The following SPG7 variants were observed in gnomAD, a reference collection of about 807,000 sequenced individuals.
The protein encoded by SPG7 is mitochondrial inner membrane m-AAA protease component paraplegin.
In SPG7, 103 loss-of-function variants were observed where a neutral mutation model predicts 81.9. The ratio of observed to expected loss-of-function variants is 1.26; its 90% CI spans 1.07 to 1.48. SPG7 has a LOEUF of 1.48. Ranked by LOEUF, SPG7 falls within the 40% of genes most tolerant of loss-of-function variation. SPG7 has a pLI of 0.00. For missense variants in SPG7, 1,241 were observed against 1,087.3 expected, an observed-to-expected ratio of 1.14 and a Z score of -1.99; for synonymous variants, 534 against 444.2, an observed-to-expected ratio of 1.20 and a Z score of -2.54.
At chr16:89,540,766 C>A (rs566082338) in intron 9 of SPG7, 2 of 394,708 alleles carry the variant, frequency 5.1e-6, no homozygotes, top group Non-Finnish European at 6.9e-6. Context: ...TGTCCACATG[C>A]GCTCACCACA....
At chr16:89,544,958 C>T in intron 10 of SPG7, 186 bp downstream of exon 10, 1 of 693,994 alleles carries the variant, frequency 1.4e-6, no homozygotes, top group Non-Finnish European at 2.5e-6. Context: ...ACCGGCTGCA[C>T]TCACTGCTGT....
chr16:89,547,753 C>T (rs149784975), intron 11 of SPG7: 6 of 450,254 alleles, frequency 1.3e-5, no homozygotes, highest in South Asian at 1.2e-4. Context: ...GCTGGGATTA[C>T]AGGCGCTCAC....
intron 3 of SPG7, chr16:89,518,179 T>G (rs1020062057): frequency 6.6e-6 from 1 of 152,352 alleles, no homozygotes; most frequent in Admixed American, 6.5e-5. Flanking sequence ...CCTGGTCTGA[T>G]GCTGAACTGC....
chr16:89,557,025 G>A lies in SPG7; in HGVS notation c.2320G>A (p.Gly774Ser), dbSNP rs752011818. The change falls in exon 17 of 17, where the codon GGC becomes AGC. Residue 774 changes from glycine to serine, a missense_variant. Transcript: ENST00000645818. ...IDAQREKQDL[G>S]EEETEETQQP... ...CGCCCAGAGGGAGAAACAGGACTTG[G>A]GCGAGGAGGAGACCGAAGAGACCCA... 6.2e-7 allele frequency: 1 copy of A among 1,613,380 alleles called. No homozygotes were observed. Among genetic ancestry groups the A allele is most frequent in the African/African-American group, 1.3e-5 (1 of 75,018 alleles).
intron 3 of SPG7, 41 bp downstream of exon 3, chr16:89,513,078 G>A (rs369562893): frequency 1.0e-4 from 160 of 1,564,216 alleles, no homozygotes; most frequent in Non-Finnish European, 9.5e-5. Flanking sequence ...GCTGCCTCTG[G>A]ATGTCTTTAC....
rs746537019 is a variant in SPG7 at position 89,529,471 on chromosome 16, CG to C, written c.759-4del. 6.2e-7 allele frequency: 1 copy of C among 1,605,068 alleles called. No individual in the cohort carries two copies. ...AGCCTGTGCCTGCCTCTCTTTCTTCCGGCAGTGCCCTGTACTCTGTGGGGAT... is the reference window on the plus strand; with the variant it reads ...AGCCTGTGCCTGCCTCTCTTTCTTCCGCAGTGCCCTGTACTCTGTGGGGAT... On this transcript the variant is annotated splice_polypyrimidine_tract_variant and splice_region_variant and intron_variant, in intron 5 of 16. Transcript: ENST00000645818.
At position 89,536,469 on chromosome 16, in the gene SPG7, G is replaced by GGGTGAGGCGGGCGAGGCGGGCGAGGCCA. The variant is rs1222055660; in HGVS notation, c.1324+3844_1324+3845insCGAGGCGGGCGAGGCCAGGTGAGGCGGG. Among the ~76,000 whole-genome samples the GGGTGAGGCGGGCGAGGCGGGCGAGGCCA allele has an allele frequency of 9.2e-5, 11 of 119,646 alleles. 2 individuals are homozygous for GGGTGAGGCGGGCGAGGCGGGCGAGGCCA. Among genetic ancestry groups the GGGTGAGGCGGGCGAGGCGGGCGAGGCCA allele is most frequent in the African/African-American group, 3.6e-4 (11 of 30,648 alleles). 78.5% of individuals were successfully genotyped at this position (119,646 alleles called of 152,430 possible). A position where few individuals can be genotyped will look rare whatever the true frequency, so the allele number is the denominator to read the frequency against. On this transcript the variant is annotated intron_variant, in intron 9 of 16. Transcript: ENST00000645818. The stretch of plus-strand genomic sequence containing the variant: ...GGACTCTCGGTGAGGCGGGTGAGGC[G>GGGTGAGGCGGGCGAGGCGGGCGAGGCCA]GGTGAGGCGGGTGAGGTCAGGTGAG...
chr16:89,546,532 G>A, intron 10 of SPG7, 126 bp from the exon 11 acceptor site: 1 of 782,850 alleles, frequency 1.3e-6, no homozygotes, highest in African/African-American at 1.7e-5. Context: ...ACAAAACTCA[G>A]GCATGATGGC....
intron 9 of SPG7, chr16:89,536,866 G>T: frequency 1.2e-6 from 2 of 1,614,166 alleles, no homozygotes; most frequent in Non-Finnish European, 1.7e-6. Flanking sequence ...GTCACGGAGG[G>T]CAATGGAGGG....
At position 89,508,869 on chromosome 16, in the gene SPG7, C is replaced by T. The variant is rs954578614; in HGVS notation, c.183+269C>T. 1.8e-4 allele frequency: 117 copies of T among 650,172 alleles called. 1 individual carries two copies. In the Admixed American group the frequency reaches 1.9e-3, roughly 10 times the overall value. The allele number at this position is 650,172 out of a possible 1,614,324, so 40.3% of individuals were successfully genotyped here. On this transcript the variant is annotated intron_variant, in intron 1 of 16. Transcript: ENST00000645818. ...AACCCGTCTGTTGTGTGTGGATGTT[C>T]TCCGCCCGTCTTCCTCGCCTTTTAA...
chr16:89,536,734 C>T (rs1597642778), intron 9 of SPG7: 2 of 1,612,706 alleles, frequency 1.2e-6, no homozygotes, highest in East Asian at 4.5e-5. Flanking sequence ...GGTCTTCGTC[C>T]TGTGAGTCTG....
At chr16:89,524,345 C>T (rs1341374680) in intron 4 of SPG7, 98 bp downstream of exon 4, 51 of 1,402,994 alleles carry the variant, frequency 3.6e-5, no homozygotes, top group Non-Finnish European at 4.6e-5. Context: ...AGGGTGTGGG[C>T]GCTGGCTGTT....
At chr16:89,543,496 A>G (rs2058525829) in intron 9 of SPG7, 1 of 149,998 alleles carries the variant, frequency 6.7e-6, no homozygotes. Flanking sequence ...CATGCGCCAC[A>G]CCCAGCTAAT....
chr16:89,537,264 C>T (rs958836577), intron 9 of SPG7: 12 of 1,362,734 alleles, frequency 8.8e-6, no homozygotes, highest in African/African-American at 1.5e-5. Context: ...CGGTCCATGG[C>T]GGTGTCCTGC....
chr16:89,510,664 CT>C (rs2058007899), intron 2 of SPG7, 72 bp downstream of exon 2: 2 of 945,554 alleles, frequency 2.1e-6, no homozygotes, highest in Non-Finnish European at 3.5e-6. Flanking sequence ...GGAGGCTGAT[CT>C]TTTTTTATTT....
rs748873540 is a variant in SPG7 at position 89,544,701 on chromosome 16, A to G, written c.1378A>G (p.Ile460Val). 2.2e-5 allele frequency: 35 copies of G among 1,614,118 alleles called. No homozygotes were observed. The highest frequency in any genetic ancestry group is 1.6e-4 in the Middle Eastern group (1 of 6,062). Residue 460 changes from isoleucine (I) to valine (V), a missense_variant, in exon 10 of 17, where the codon ATT becomes GTT. Coordinates refer to ENST00000645818, the MANE Select transcript of SPG7 (RefSeq NM_003119.4). ...IVLASTNRADILDGALMRPGR... is the reference protein window; with the variant it reads ...IVLASTNRADVLDGALMRPGR... The stretch of plus-strand genomic sequence containing the variant: ...CCTGGCGTCCACGAACCGAGCTGAC[A>G]TTTTGGACGGTGCTCTGATGAGGCC...
At chr16:89,552,943 T>A (rs1312363672) in intron 13 of SPG7, 36 bp from the exon 14 acceptor site, 6 of 1,611,708 alleles carry the variant, frequency 3.7e-6, no homozygotes, top group Non-Finnish European at 4.2e-6. Flanking sequence ...CCACGCATCC[T>A]GCCTACTGAC....
chr16:89,544,914 C>T (rs2058543976), intron 10 of SPG7, 142 bp downstream of exon 10: 5 of 1,036,278 alleles, frequency 4.8e-6, no homozygotes, highest in Non-Finnish European at 7.2e-6. Flanking sequence ...AGCGTGGCCC[C>T]CGCATCGGCT....
Position 89,548,365 on chromosome 16 carries a change from A to C in SPG7, c.1663+252A>C, listed in dbSNP as rs2058592452. 14 of 482,816 alleles carry C rather than the reference A, an allele frequency of 2.9e-5. No individual in the cohort carries two copies. The South Asian group carries it at 3.6e-4, about 12-fold the overall frequency. 29.9% of individuals were successfully genotyped at this position (482,816 alleles called of 1,614,324 possible). ...AAATGCCTTGCCAAAGAAAGTGAAA[A>C]AATAAAAATAAAAAATGCCCCCCAA... On this transcript the variant is annotated intron_variant, in intron 12 of 16. Transcript: ENST00000645818.
Sources: gnomAD v4.1 joint callset for allele counts (sites outside exome capture counted in the v4.1 genomes callset) on GRCh38, gnomAD v4.1.1 for gene constraint, MANE v1.5 for transcripts, NCBI Gene and HGNC (gene_info 2026-07-23, HGNC 2026-07-21) for gene names.